The following NEBL variants were observed in gnomAD, a reference collection of about 807,000 sequenced individuals.
NEBL encodes the protein nebulette, also known as LIM and SH3 protein 2.
NEBL carries 122 observed loss-of-function variants against 140.2 expected under a neutral mutation model. The observed-to-expected ratio is 0.87, with a 90% CI of 0.75 to 1.01. The LOEUF (loss-of-function observed/expected upper bound fraction) is 1.01, where lower values mean the gene tolerates loss of function less well. NEBL is among the 50% of genes least tolerant of loss of function. NEBL has a pLI of 0.00. For synonymous variants in NEBL, 436 were observed against 398.9 expected (o/e 1.09, Z -1.11); for missense variants, 1,365 against 1,231.3 (o/e 1.11, Z -1.62).
intron 13 of NEBL, among the ~76,000 whole-genome samples, chr10:20,839,057 T>A (rs1841159422): frequency 6.6e-6 from 1 of 152,164 alleles, no homozygotes; most frequent in Admixed American, 6.5e-5. Flanking sequence ...TACCTCCATG[T>A]AGGATCCATT....
chr10:20,815,608 T>C lies in NEBL; in HGVS notation c.2241+17A>G, dbSNP rs368494211. 2.0e-5 allele frequency: 31 copies of C among 1,564,588 alleles called. No homozygotes were observed. Among genetic ancestry groups the C allele is most frequent in the Non-Finnish European group, 2.6e-5 (30 of 1,135,314 alleles). On this transcript the variant is annotated intron_variant, in intron 22 of 27. Coordinates refer to ENST00000377122, the MANE Select transcript of NEBL (RefSeq NM_006393.3). ...ACACATCCTTTGTGATAGTCTAAAATGAAGAAAACCACTTGCCGAGCTAAT... is the reference window on the plus strand; with the variant it reads ...ACACATCCTTTGTGATAGTCTAAAACGAAGAAAACCACTTGCCGAGCTAAT...
chr10:21,149,619 A>G (rs1022202891), intron 2 of NEBL, among the ~76,000 whole-genome samples: 3 of 152,224 alleles, frequency 2.0e-5, no homozygotes, highest in African/African-American at 7.2e-5. Context: ...ACCAGTAAAC[A>G]TAAGCAAGGG....
At chr10:21,181,275 A>T (rs1401873073) in intron 3 of NEBL, among the ~76,000 whole-genome samples, 2 of 151,982 alleles carry the variant, frequency 1.3e-5, no homozygotes, top group Non-Finnish European at 2.9e-5. Context: ...AAAAAAAAAA[A>T]AATTATCCAA....
intron 2 of NEBL, among the ~76,000 whole-genome samples, chr10:21,159,438 C>A (rs2768664): frequency 6.6e-6 from 1 of 151,930 alleles, no homozygotes; most frequent in East Asian, 1.9e-4. Flanking sequence ...TTTTGCTCTC[C>A]TGAACTTCAA....
At chr10:20,808,450 C>A in intron 26 of NEBL, 60 bp downstream of exon 26, 19 of 1,552,290 alleles carry the variant, frequency 1.2e-5, no homozygotes, top group Non-Finnish European at 1.7e-5. Flanking sequence ...TTTAAAGACA[C>A]TCTTGTGACA....
chr10:20,933,427 T>C (rs1030766874), intron 4 of NEBL, among the ~76,000 whole-genome samples: 2 of 152,250 alleles, frequency 1.3e-5, no homozygotes, highest in African/African-American at 4.8e-5. Context: ...CAGGTAAATA[T>C]AAACCTTAAA....
rs1176763018 is a variant in NEBL, at chr10:21,169,067, AAT to A, written c.164+3314_164+3315del. Among the ~76,000 whole-genome samples the A allele has an allele frequency of 6.6e-3, 153 of 23,062 alleles. 1 individual carries two copies. The highest frequency in any genetic ancestry group is 0.012 in the African/African-American group (90 of 7,684). The allele number at this position is 23,062 out of a possible 152,430, so 15.1% of individuals were successfully genotyped here. A position where few individuals can be genotyped will look rare whatever the true frequency, so the allele number is the denominator to read the frequency against. On this transcript the variant is annotated intron_variant, in intron 2 of 6. Coordinates refer to the NEBL transcript ENST00000417816. ...CCGTCTACAAAAAAAAAAAAAAAAA[AAT>A]ATATATATATATATATATATATATA... is the stretch of plus-strand genomic sequence containing the variant.
At chr10:21,292,373 T>G (rs992083594) in intron 1 of NEBL, among the ~76,000 whole-genome samples, 2 of 152,200 alleles carry the variant, frequency 1.3e-5, no homozygotes, top group African/African-American at 2.4e-5. Flanking sequence ...AACCAGAATA[T>G]CACTGGAATT....
chr10:21,058,287 T>C (rs1564495968), intron 2 of NEBL, among the ~76,000 whole-genome samples: 1 of 152,176 alleles, frequency 6.6e-6, no homozygotes, highest in Non-Finnish European at 1.5e-5. Flanking sequence ...AAGGAGAGCA[T>C]AGATATAATC....
chr10:20,868,840 A>C, intron 6 of NEBL, 75 bp from the exon 7 acceptor site: 1 of 970,492 alleles, frequency 1.0e-6, no homozygotes, highest in East Asian at 2.4e-5. Context: ...TAGCCAAAAA[A>C]AAAAAAAATA....
At chr10:21,054,390 G>C (rs552831508) in intron 2 of NEBL, among the ~76,000 whole-genome samples, 3 of 152,258 alleles carry the variant, frequency 2.0e-5, no homozygotes, top group Admixed American at 1.3e-4. Flanking sequence ...AGCTGGCATT[G>C]TCCGGAACGT....
In NEBL at chr10:20,883,542, G is replaced by A. The variant is rs192850568; in HGVS notation, c.370-2638C>T. The stretch of plus-strand genomic sequence containing the variant: ...TGTTTTAACTCAGAGGTAGGGAGAG[G>A]AGGAGTTTCATGGGTACCCAAGTCT... On this transcript the variant is annotated intron_variant, in intron 4 of 27. Transcript: ENST00000377122. 2.5e-3 allele frequency among the ~76,000 whole-genome samples: 384 copies of A among 152,310 alleles called. 2 individuals are homozygous for A. Among genetic ancestry groups the A allele is most frequent in the African/African-American group, 8.9e-3 (372 of 41,570 alleles).
intron 3 of NEBL, chr10:21,218,156 G>C (rs1331030645): frequency 1.3e-5 from 2 of 153,186 alleles, no homozygotes; most frequent in African/African-American, 4.8e-5. Flanking sequence ...ACAGATATGG[G>C]CTGCTATCTG....
At chr10:21,044,845 GT>G (rs1285226321) in intron 2 of NEBL, among the ~76,000 whole-genome samples, 1 of 152,088 alleles carries the variant, frequency 6.6e-6, no homozygotes, top group Admixed American at 6.6e-5. Context: ...CATGCCCATT[GT>G]CCCTAATTGC....
chr10:21,012,913 A>G (rs963595677), intron 3 of NEBL, among the ~76,000 whole-genome samples: 2 of 152,162 alleles, frequency 1.3e-5, no homozygotes, highest in Admixed American at 1.3e-4. Context: ...GAAACAGATG[A>G]AAAGGATGCA....
chr10:20,945,261 G>C (rs1036103039), intron 4 of NEBL, among the ~76,000 whole-genome samples: 2 of 152,062 alleles, frequency 1.3e-5, no homozygotes, highest in African/African-American at 4.8e-5. Flanking sequence ...TAAGCCATCT[G>C]GGACCGTCAC....
At chr10:21,022,125 C>A (rs1211983286) in intron 2 of NEBL, among the ~76,000 whole-genome samples, 1 of 152,184 alleles carries the variant, frequency 6.6e-6, no homozygotes, top group Non-Finnish European at 1.5e-5. Flanking sequence ...CCATGTTCGG[C>A]TGGCGCTGAG....
chr10:20,802,208 CG>C lies in NEBL; in HGVS notation c.2761+6301del, dbSNP rs1309843268. ...AAACCAAAGAAACACAAAGTAATACCGGGAAGCAGATACACATTGCAGGCAA... is the reference window on the plus strand; with the variant it reads ...AAACCAAAGAAACACAAAGTAATACCGGAAGCAGATACACATTGCAGGCAA... On this transcript the variant is annotated intron_variant, in intron 26 of 27. Coordinates refer to ENST00000377122, the MANE Select transcript of NEBL (RefSeq NM_006393.3). Among the ~76,000 whole-genome samples, 4 of 152,056 alleles carry C rather than the reference CG, an allele frequency of 2.6e-5. No homozygotes were observed. The East Asian group carries it at 7.7e-4, about 29-fold the overall frequency.
intron 3 of NEBL, among the ~76,000 whole-genome samples, chr10:20,963,458 C>CATATTATTT (rs1286360907): frequency 3.3e-5 from 5 of 152,176 alleles, no homozygotes; most frequent in Admixed American, 6.5e-5. Context: ...GGCACAATCA[C>CATATTATTT]ATATTATTTT....
Sources: allele counts gnomAD v4.1 joint callset (sites outside exome capture counted in the v4.1 genomes callset), GRCh38; gene constraint gnomAD v4.1.1; transcripts MANE v1.5; gene names NCBI Gene and HGNC (gene_info 2026-07-23, HGNC 2026-07-21).